Variants in PCNX1 observed in about 807,000 individuals in gnomAD.
PCNX1 encodes the protein pecanex-like protein 1.
A neutral mutation model predicts 242.2 loss-of-function variants in PCNX1; 78 were observed. That is an observed-to-expected ratio of 0.32 (90% CI 0.27 to 0.39). The LOEUF is 0.39. Ranked by LOEUF, PCNX1 falls within the 10% of genes least tolerant of loss-of-function variation. The pLI is 1.00. For missense variants in PCNX1, 2,581 were observed against 2,856.5 expected, an observed-to-expected ratio of 0.90 and a Z score of 2.20; for synonymous variants, 1,024 against 1,032.9, an observed-to-expected ratio of 0.99 and a Z score of 0.17.
At chr14:70,913,419 C>T (rs1420571970) in intron 1 of PCNX1, among the ~76,000 whole-genome samples, 1 of 152,104 alleles carries the variant, frequency 6.6e-6, no homozygotes, top group African/African-American at 2.4e-5. Flanking sequence ...CAAAATGACC[C>T]TTGAAAAACA....
At chr14:70,935,038 G>T (rs964344034) in intron 1 of PCNX1, among the ~76,000 whole-genome samples, 4 of 152,144 alleles carry the variant, frequency 2.6e-5, no homozygotes, top group South Asian at 2.1e-4. Flanking sequence ...AAGTTAAACT[G>T]TTACAGCACA....
intron 5 of PCNX1, among the ~76,000 whole-genome samples, chr14:70,970,256 C>T (rs2058501772): frequency 6.6e-6 from 1 of 151,316 alleles, no homozygotes; most frequent in African/African-American, 2.4e-5. Flanking sequence ...GTCTCAGCTA[C>T]TTGGGAGGCT....
At chr14:70,975,184 A>T (rs7155387) in intron 5 of PCNX1, among the ~76,000 whole-genome samples, 4,814 of 152,264 alleles carry the variant, frequency 0.032, 222 homozygotes, top group African/African-American at 0.11. Flanking sequence ...TGTGAATATC[A>T]CACCAACCGA....
At chr14:71,027,415 C>T (rs756601037) in intron 15 of PCNX1, among the ~76,000 whole-genome samples, 3 of 151,826 alleles carry the variant, frequency 2.0e-5, no homozygotes, top group Non-Finnish European at 4.4e-5. Flanking sequence ...AATTGATACA[C>T]TTAGAAAATC....
chr14:71,025,725 C>T (rs1004864521), intron 13 of PCNX1, among the ~76,000 whole-genome samples: 1 of 152,030 alleles, frequency 6.6e-6, no homozygotes, highest in Non-Finnish European at 1.5e-5. Context: ...AAAAATTAAA[C>T]AGGTGCAGCG....
rs1423091745 is a variant in PCNX1 at position 71,115,020 on chromosome 14, T to G, written c.*5085T>G. ...TTAAGTAAAAGTAAAATGTAAAAAC[T>G]GATTAAACCTATACAAGTCTGGCAA... On this transcript the variant is annotated 3_prime_UTR_variant, in exon 36 of 36. Transcript: ENST00000304743. The G allele has an allele frequency of 6.7e-6, 1 of 149,740 alleles. No homozygotes were observed. Among genetic ancestry groups the G allele is most frequent in the Non-Finnish European group, 1.5e-5 (1 of 67,602 alleles). 9.3% of individuals were successfully genotyped at this position (149,740 alleles called of 1,614,324 possible).
rs2058668098 is a variant in PCNX1 at position 70,975,624 on chromosome 14, A to G, written c.605-1318A>G. On this transcript the variant is annotated intron_variant, in intron 5 of 35. Transcript: ENST00000304743. The stretch of plus-strand genomic sequence containing the variant: ...GTTATTTTACTTTGTCTATCCAGCT[A>G]TGACAAGACAATAATTTTTCTTTTT... 2.6e-5 allele frequency among the ~76,000 whole-genome samples: 4 copies of G among 152,288 alleles called. No homozygotes were observed. In the South Asian group the frequency reaches 8.3e-4, roughly 32 times the overall value.
intron 5 of PCNX1, among the ~76,000 whole-genome samples, chr14:70,975,556 C>A (rs1158727326): frequency 2.0e-5 from 3 of 152,036 alleles, no homozygotes; most frequent in Admixed American, 6.6e-5. Flanking sequence ...CTGCTTTGGT[C>A]ATTGAGATTC....
At chr14:71,050,342 A>G (rs2060991054) in intron 22 of PCNX1, among the ~76,000 whole-genome samples, 3 of 152,084 alleles carry the variant, frequency 2.0e-5, no homozygotes, top group South Asian at 4.1e-4. Context: ...GCTGCTTTCT[A>G]CCTTACTTTG....
chr14:71,012,768 GTTGCAGTGAGCCGAGA>G, intron 10 of PCNX1: 1 of 464,938 alleles, frequency 2.2e-6, no homozygotes, highest in Non-Finnish European at 3.8e-6. Context: ...GGAGGCAGAG[GTTGCAGTGAGCCGAGA>G]TTGCACCACT....
chr14:70,988,865 C>A (rs958839071), intron 7 of PCNX1, among the ~76,000 whole-genome samples, 166 bp downstream of exon 7: 3 of 152,094 alleles, frequency 2.0e-5, no homozygotes, highest in African/African-American at 7.2e-5. Context: ...TGACCATGAG[C>A]CTGTTGCATT....
intron 8 of PCNX1, among the ~76,000 whole-genome samples, chr14:71,006,229 C>A (rs2059663458): frequency 6.6e-6 from 1 of 151,050 alleles, no homozygotes. Flanking sequence ...CTCAAGCAGT[C>A]CTCCCACTTT....
intron 30 of PCNX1, among the ~76,000 whole-genome samples, chr14:71,089,662 T>C (rs968263761): frequency 1.3e-5 from 2 of 152,172 alleles, no homozygotes; most frequent in Non-Finnish European, 2.9e-5. Context: ...AACAGCAGCA[T>C]GGGGGTAACT....
chr14:70,994,498 T>C (rs912746806), intron 7 of PCNX1, among the ~76,000 whole-genome samples: 4 of 148,914 alleles, frequency 2.7e-5, no homozygotes, highest in Non-Finnish European at 4.5e-5. Context: ...GTTTGTTTTA[T>C]GTGTACTAGA....
At chr14:70,951,017 C>T (rs945521672) in intron 2 of PCNX1, among the ~76,000 whole-genome samples, 2 of 151,914 alleles carry the variant, frequency 1.3e-5, no homozygotes, top group African/African-American at 4.8e-5. Context: ...TATAAATATA[C>T]AATAAATTAA....
intron 7 of PCNX1, 137 bp downstream of exon 7, chr14:70,988,836 T>G: frequency 9.4e-7 from 1 of 1,068,906 alleles, no homozygotes. Flanking sequence ...TTTAAGCCCT[T>G]TTTGGCTTTT....
rs530824619 is a variant in PCNX1, at chr14:70,936,903, T to C, written c.154-10012T>C. 2.6e-5 allele frequency among the ~76,000 whole-genome samples: 4 copies of C among 152,378 alleles called. No individual in the cohort carries two copies. In the South Asian group the frequency reaches 6.2e-4, roughly 24 times the overall value. On this transcript the variant is annotated intron_variant, in intron 1 of 35. Transcript: ENST00000304743. ...GCCAGTGATGAAGAGCATTTTTTTA[T>C]GTGTCTGTTGGCTGGATAAATGTCT...
chr14:71,021,812 C>G (rs1384780642), intron 12 of PCNX1, among the ~76,000 whole-genome samples: 1 of 151,942 alleles, frequency 6.6e-6, no homozygotes, highest in Non-Finnish European at 1.5e-5. Context: ...TTTCAGATGA[C>G]TCTCTTTTCC....
chr14:70,983,139 G>T (rs144117528), intron 6 of PCNX1, among the ~76,000 whole-genome samples: 303 of 152,240 alleles, frequency 2.0e-3, no homozygotes, highest in African/African-American at 7.1e-3. Context: ...ATGCAAAATT[G>T]TATCTAACGG....
Sources: allele counts gnomAD v4.1 joint callset (sites outside exome capture counted in the v4.1 genomes callset), GRCh38; gene constraint gnomAD v4.1.1; transcripts MANE v1.5; gene names NCBI Gene and HGNC (gene_info 2026-07-23, HGNC 2026-07-21).